ASB2: variants seen among roughly 807,000 people sequenced by gnomAD.
ASB2 encodes the protein ankyrin repeat and SOCS box protein 2.
Under a neutral mutation model 62.4 loss-of-function variants are expected in ASB2, and 58 were observed. That is an observed-to-expected ratio of 0.93 (90% CI 0.75 to 1.16). The LOEUF is 1.16. ASB2 is among the 50% of genes most tolerant of loss of function. The pLI is 0.00. For missense variants in ASB2, 928 were observed against 887.9 expected, an observed-to-expected ratio of 1.05 and a Z score of -0.57; for synonymous variants, 386 against 385.3, an observed-to-expected ratio of 1.00 and a Z score of -0.02.
intron 3 of ASB2, chr14:93,955,402 C>T (rs1346500467): frequency 3.0e-6 from 1 of 331,872 alleles, no homozygotes; most frequent in Non-Finnish European, 6.0e-6. Context: ...AGCAACAGAC[C>T]CAGCAAGGAC....
intron 5 of ASB2, among the ~76,000 whole-genome samples, chr14:93,952,777 A>C (rs999697002): frequency 6.6e-6 from 1 of 152,250 alleles, no homozygotes; most frequent in Admixed American, 6.5e-5. Flanking sequence ...TGCCTGGCAC[A>C]TACTAAACAC....
At chr14:93,934,824 T>C (rs2141263833) in intron 9 of ASB2, 32 bp from the exon 10 acceptor site, 1 of 1,598,544 alleles carries the variant, frequency 6.3e-7, no homozygotes, top group Non-Finnish European at 8.6e-7. Context: ...AGAGGCTGAT[T>C]TGTCATTTGC....
rs890122702 is a variant in ASB2 at position 93,951,078 on chromosome 14, C to A, written c.801G>T (p.Lys267Asn). The change falls in exon 6 of 10, where the codon AAG (lysine) becomes AAT (asparagine). Residue 267 changes from lysine (K) to asparagine (N), a missense_variant. Lys to Asn is a moderately conservative substitution (Grantham distance 94). Transcript: ENST00000555019. The stretch of plus-strand genomic sequence containing the variant: ...ACAAGGGGGTGATGCCGTAGGCGTT[C>A]TTGGATTCCACCTTGGCTCCTCCGC... Reference protein sequence around the residue: ...LVSGGAKVESKNAYGITPLFV... With the variant: ...LVSGGAKVESNNAYGITPLFV... The A allele has an allele frequency of 2.5e-6, 4 of 1,614,090 alleles. No individual in the cohort carries two copies. The highest frequency in any genetic ancestry group is 3.4e-6 in the Non-Finnish European group (4 of 1,180,060).
intron 4 of ASB2, 86 bp from the exon 5 acceptor site, chr14:93,953,593 C>T: frequency 8.4e-7 from 1 of 1,187,364 alleles, no homozygotes. Context: ...CTCCCAATTT[C>T]AAGAACAATG....
At chr14:93,957,358 C>G (rs568779744) in intron 2 of ASB2, 1 of 1,022,788 alleles carries the variant, frequency 9.8e-7, no homozygotes, top group African/African-American at 1.7e-5. Context: ...GTGCCCCCCA[C>G]GCCCACCTGC....
intron 6 of ASB2, 59 bp downstream of exon 6, chr14:93,950,940 G>A (rs1474433657): frequency 5.8e-6 from 9 of 1,561,676 alleles, no homozygotes; most frequent in Non-Finnish European, 7.8e-6. Context: ...GCTGACCTCT[G>A]ACATCCTTCC....
At chr14:93,953,712 C>T (rs1388827399) in intron 4 of ASB2, among the ~76,000 whole-genome samples, 1 of 152,238 alleles carries the variant, frequency 6.6e-6, no homozygotes, top group African/African-American at 2.4e-5. Flanking sequence ...GCCACGTCCT[C>T]TGAGAAGCCT....
intron 4 of ASB2, 161 bp downstream of exon 4, chr14:93,954,156 T>TC: frequency 3.1e-6 from 2 of 638,122 alleles, no homozygotes; most frequent in East Asian, 5.4e-5. Flanking sequence ...ACAACTCATT[T>TC]CCCCTCTCGT....
In ASB2 at chr14:93,956,929, T is replaced by C. The variant is rs752297621; in HGVS notation, c.207-59A>G. On this transcript the variant is annotated intron_variant, in intron 2 of 9. Transcript: ENST00000555019. ...AAGTACTCTGCATAGGAGAAGCGGGTCATGGCTTCAGGCAGGAATGAGGAT... is the reference window on the plus strand; with the variant it reads ...AAGTACTCTGCATAGGAGAAGCGGGCCATGGCTTCAGGCAGGAATGAGGAT... 47 of 1,606,472 alleles carry C rather than the reference T, an allele frequency of 2.9e-5. 1 individual carries two copies. The South Asian group carries it at 4.5e-4, about 15-fold the overall frequency.
chr14:93,937,916 G>A, intron 8 of ASB2, 65 bp from the exon 9 acceptor site: 1 of 1,494,524 alleles, frequency 6.7e-7, no homozygotes, highest in Non-Finnish European at 9.1e-7. Context: ...TGCGGCCAGG[G>A]ACGGCAGCGG....
chr14:93,953,865 G>A (rs1387056077), intron 4 of ASB2, among the ~76,000 whole-genome samples: 1 of 152,204 alleles, frequency 6.6e-6, no homozygotes, highest in Non-Finnish European at 1.5e-5. Context: ...TCAGGGCAGA[G>A]GTGACACCTG....
Position 93,956,874 on chromosome 14 carries a change from G to A in ASB2, c.207-4C>T. 6.2e-7 allele frequency: 1 copy of A among 1,614,226 alleles called. No homozygotes were observed. Among genetic ancestry groups the A allele is most frequent in the Non-Finnish European group, 8.5e-7 (1 of 1,180,036 alleles). On this transcript the variant is annotated splice_polypyrimidine_tract_variant and splice_region_variant and intron_variant, in intron 2 of 9. Transcript: ENST00000555019. ...ACTCTCAGGAGGTGCAGTGGACCTG[G>A]AGGGTGCAGAGCAGGAGTGAAAGAG...
intron 7 of ASB2, among the ~76,000 whole-genome samples, chr14:93,946,597 G>C (rs1299455945): frequency 6.6e-6 from 1 of 152,228 alleles, no homozygotes; most frequent in Non-Finnish European, 1.5e-5. Flanking sequence ...GCTGGCTCTA[G>C]CACACCTCTG....
intron 8 of ASB2, among the ~76,000 whole-genome samples, chr14:93,938,494 C>T (rs34378508): frequency 0.24 from 36,594 of 151,962 alleles, 4,986 homozygotes; most frequent in East Asian, 0.6. Context: ...CCGGCCTCGG[C>T]CTCCCAAAGT....
In ASB2 at chr14:93,939,236, C is replaced by G. The variant is rs1344536080; in HGVS notation, c.1489G>C (p.Asp497His). Residue 497 changes from aspartate (D) to histidine (H), a missense_variant, in exon 8 of 10, where the codon GAC becomes CAC. By Grantham distance (81) the Asp-to-His change is moderately conservative. Transcript: ENST00000555019. ...CAGGGCTCGCCGTCGCAGCCCAGGT[C>G]CATGAGGAACTTGAGCAGCGACAGG... ...KCLSLLKFLMDLGCDGEPCFS... is the reference protein window; with the variant it reads ...KCLSLLKFLMHLGCDGEPCFS... 1 of 1,609,928 alleles carries G rather than the reference C, an allele frequency of 6.2e-7. No individual in the cohort carries two copies. Among genetic ancestry groups the G allele is most frequent in the Non-Finnish European group, 8.5e-7 (1 of 1,177,330 alleles).
At chr14:93,947,933 G>T (rs1888799278) in intron 6 of ASB2, among the ~76,000 whole-genome samples, 1 of 147,210 alleles carries the variant, frequency 6.8e-6, no homozygotes, top group Admixed American at 6.8e-5. Flanking sequence ...GGTGGAGGTT[G>T]CAGTGAGCCG....
intron 9 of ASB2, among the ~76,000 whole-genome samples, chr14:93,937,356 T>G (rs575961642): frequency 2.0e-5 from 3 of 152,310 alleles, no homozygotes; most frequent in Admixed American, 2.0e-4. Context: ...CCTCCTACAA[T>G]GCCTCTTGGT....
At position 93,937,880 on chromosome 14, in the gene ASB2, G is replaced by A. The variant is rs757402918; in HGVS notation, c.1618-29C>T. On this transcript the variant is annotated intron_variant, in intron 8 of 9. Transcript: ENST00000555019. ...AAAGAGAACATGCCGGGACCAAGAA[G>A]TGAGTTCATCCCACCTGCAAGAGCC... 5 of 1,573,564 alleles carry A rather than the reference G, an allele frequency of 3.2e-6. No homozygotes were observed. The Admixed American group carries it at 5.2e-5, about 16-fold the overall frequency.
At chr14:93,950,961 T>C (rs1888931403) in intron 6 of ASB2, 38 bp downstream of exon 6, 2 of 1,591,202 alleles carry the variant, frequency 1.3e-6, no homozygotes, top group South Asian at 2.3e-5. Context: ...CGTGTGCCCT[T>C]TGGGGACTCC....
Sources: gnomAD v4.1 joint callset for allele counts (sites outside exome capture counted in the v4.1 genomes callset) on GRCh38, gnomAD v4.1.1 for gene constraint, MANE v1.5 for transcripts, NCBI Gene and HGNC (gene_info 2026-07-23, HGNC 2026-07-21) for gene names.